Variants in SPATS2L observed in about 807,000 individuals in gnomAD.
SPATS2L encodes SPATS2-like protein.
A neutral mutation model predicts 59.6 loss-of-function variants in SPATS2L; 30 were observed. The observed-to-expected ratio is 0.50, with a 90% CI of 0.38 to 0.68. SPATS2L has a LOEUF of 0.68. SPATS2L is among the 30% of genes least tolerant of loss of function. SPATS2L has a pLI of 0.00. For missense variants in SPATS2L, 615 were observed against 700.0 expected (o/e 0.88, Z 1.37); for synonymous variants, 252 against 263.5 (o/e 0.96, Z 0.42).
intron 3 of SPATS2L, among the ~76,000 whole-genome samples, chr2:200,397,569 T>C (rs1434666563): frequency 6.6e-6 from 1 of 152,034 alleles, no homozygotes; most frequent in African/African-American, 2.4e-5. Context: ...CTGTAAATCA[T>C]TGCTCCTTAA....
At chr2:200,382,532 C>A (rs1432376784) in intron 2 of SPATS2L, among the ~76,000 whole-genome samples, 1 of 152,236 alleles carries the variant, frequency 6.6e-6, no homozygotes. Flanking sequence ...GTTTTATTCC[C>A]CTGGTGGAGT....
At chr2:200,477,493 G>A (rs1263720367) in intron 12 of SPATS2L, 143 bp from the exon 13 acceptor site, 1 of 559,950 alleles carries the variant, frequency 1.8e-6, no homozygotes, top group African/African-American at 3.1e-5. Flanking sequence ...TCATCTTCAT[G>A]TTTTCTGATT....
At chr2:200,340,704 C>T (rs541888873) in intron 2 of SPATS2L, among the ~76,000 whole-genome samples, 1 of 152,246 alleles carries the variant, frequency 6.6e-6, no homozygotes, top group Admixed American at 6.5e-5. Context: ...CTGACAGTCA[C>T]CATGGGTTAC....
At chr2:200,357,895 A>G (rs2080968983) in intron 2 of SPATS2L, among the ~76,000 whole-genome samples, 1 of 152,194 alleles carries the variant, frequency 6.6e-6, no homozygotes, top group Admixed American at 6.5e-5. Context: ...GATGTCATCA[A>G]ATCATCAGTT....
chr2:200,410,459 G>A (rs2082839421), intron 3 of SPATS2L, among the ~76,000 whole-genome samples: 1 of 152,084 alleles, frequency 6.6e-6, no homozygotes, highest in South Asian at 2.1e-4. Flanking sequence ...GTTGCTCACA[G>A]GATCAAAATC....
intron 2 of SPATS2L, among the ~76,000 whole-genome samples, chr2:200,374,632 G>A (rs2081539159): frequency 6.6e-6 from 1 of 151,976 alleles, no homozygotes; most frequent in South Asian, 2.1e-4. Flanking sequence ...CACACTCAAA[G>A]GACATGTTCC....
At position 200,471,274 on chromosome 2, in the gene SPATS2L, CT is replaced by C. The variant is rs543038753; in HGVS notation, c.1060+1259del. ...CATTTTTAAAAATTATTGTTCCCCC[CT>C]GTACTCTTCCTTATGAAAGAATCTA... On this transcript the variant is annotated intron_variant, in intron 11 of 12. Coordinates refer to ENST00000409140, the MANE Select transcript of SPATS2L (RefSeq NM_001100423.2). Among the ~76,000 whole-genome samples, 9 of 152,328 alleles carry C rather than the reference CT, an allele frequency of 5.9e-5. No individual in the cohort carries two copies. The South Asian group carries it at 8.3e-4, about 14-fold the overall frequency.
At chr2:200,425,685 A>AG (rs2083528621) in intron 6 of SPATS2L, among the ~76,000 whole-genome samples, 1 of 152,202 alleles carries the variant, frequency 6.6e-6, no homozygotes, top group Non-Finnish European at 1.5e-5. Flanking sequence ...AATATTTTTA[A>AG]TCATCCAACA....
intron 6 of SPATS2L, among the ~76,000 whole-genome samples, chr2:200,434,733 G>C: frequency 6.6e-6 from 1 of 152,078 alleles, no homozygotes; most frequent in East Asian, 1.9e-4. Context: ...GTCATGTCGA[G>C]GGTCAAAAGA....
At position 200,416,381 on chromosome 2, in the gene SPATS2L, A is replaced by T; in HGVS notation, c.151A>T (p.Ser51Cys). 1 of 1,479,592 alleles carries T rather than the reference A, an allele frequency of 6.8e-7. No homozygotes were observed. Among genetic ancestry groups the T allele is most frequent in the Non-Finnish European group, 9.1e-7 (1 of 1,097,030 alleles). The allele number at this position is 1,479,592 out of a possible 1,614,324, so 91.7% of individuals were successfully genotyped here. ...DKAVQAFVDG[S>C]AIQVLKEWNM... ...GAAGATTCTTTGTCTTTATCTAGGC[A>T]GTGCAATTCAAGTTCTAAAAGAATG... is the stretch of plus-strand genomic sequence containing the variant. The change falls in exon 5 of 13, where the codon AGT becomes TGT. Residue 51 changes from serine (S) to cysteine (C), a missense_variant and splice_region_variant. By Grantham distance (112) the Ser-to-Cys change is moderately radical. Coordinates refer to ENST00000409140, the MANE Select transcript of SPATS2L (RefSeq NM_001100423.2).
intron 2 of SPATS2L, among the ~76,000 whole-genome samples, chr2:200,386,025 G>A (rs1281511051): frequency 6.6e-6 from 1 of 152,110 alleles, no homozygotes; most frequent in African/African-American, 2.4e-5. Context: ...CCAAATTTAT[G>A]GTCTGTTTAA....
chr2:200,397,198 G>T (rs2082382464), intron 3 of SPATS2L, among the ~76,000 whole-genome samples: 1 of 152,168 alleles, frequency 6.6e-6, no homozygotes, highest in Non-Finnish European at 1.5e-5. Flanking sequence ...GTGCACTGCA[G>T]CTGAGAGGTA....
At chr2:200,306,988 G>A in intron 1 of SPATS2L, 66 bp downstream of exon 1, 3 of 980,458 alleles carry the variant, frequency 3.1e-6, no homozygotes, top group Non-Finnish European at 3.6e-6. Context: ...ACGCGGAGGG[G>A]CCTGCGCGGC....
intron 8 of SPATS2L, among the ~76,000 whole-genome samples, chr2:200,442,685 C>T (rs2084777957): frequency 6.6e-6 from 1 of 152,170 alleles, no homozygotes; most frequent in Non-Finnish European, 1.5e-5. Context: ...TCTCCAGCTG[C>T]TCTGAGTACT....
chr2:200,377,150 G>A (rs1252121442), intron 2 of SPATS2L, among the ~76,000 whole-genome samples: 1 of 152,098 alleles, frequency 6.6e-6, no homozygotes, highest in African/African-American at 2.4e-5. Flanking sequence ...TTCTTACCAC[G>A]CTATGCCGTA....
chr2:200,412,519 G>A (rs2082912481), intron 4 of SPATS2L, 100 bp downstream of exon 4: 2 of 576,914 alleles, frequency 3.5e-6, no homozygotes, highest in Non-Finnish European at 5.8e-6. Context: ...TTCATTATGT[G>A]TACTTTAGGT....
At chr2:200,421,121 A>T (rs954144850) in intron 6 of SPATS2L, among the ~76,000 whole-genome samples, 1 of 152,170 alleles carries the variant, frequency 6.6e-6, no homozygotes, top group Non-Finnish European at 1.5e-5. Flanking sequence ...AGGATATGAT[A>T]TGGTCTAGGC....
chr2:200,362,576 C>T (rs768819481), intron 2 of SPATS2L, among the ~76,000 whole-genome samples: 4 of 152,160 alleles, frequency 2.6e-5, no homozygotes, highest in Non-Finnish European at 4.4e-5. Flanking sequence ...CATTCACATT[C>T]CATTGGCCAG....
intron 1 of SPATS2L, among the ~76,000 whole-genome samples, chr2:200,323,861 C>T (rs1009787004): frequency 1.3e-5 from 2 of 152,164 alleles, no homozygotes; most frequent in East Asian, 3.8e-4. Flanking sequence ...GATTGCATTA[C>T]AGAAAATTAT....
Sources: allele counts gnomAD v4.1 joint callset (sites outside exome capture counted in the v4.1 genomes callset), GRCh38; gene constraint gnomAD v4.1.1; transcripts MANE v1.5; gene names NCBI Gene and HGNC (gene_info 2026-07-23, HGNC 2026-07-21).